Variants in ELP4 observed in about 807,000 individuals in gnomAD.
ELP4 encodes the protein elongator acetyltransferase complex subunit 4.
ELP4 carries 51 observed loss-of-function variants against 48.9 expected under a neutral mutation model. The observed-to-expected ratio is 1.04, with a 90% CI of 0.83 to 1.32. ELP4 has a LOEUF of 1.32. Among genes scored for constraint, ELP4 ranks in the 40% most tolerant of loss-of-function variants. ELP4 has a pLI of 0.00. For synonymous variants in ELP4, 210 were observed against 189.2 expected (o/e 1.11, Z -0.90); for missense variants, 519 against 514.6 (o/e 1.01, Z -0.08).
chr11:31,669,780 A>G (rs1945768421), intron 9 of ELP4, among the ~76,000 whole-genome samples: 1 of 152,184 alleles, frequency 6.6e-6, no homozygotes, highest in South Asian at 2.1e-4. Context: ...CCCGCTCTCT[A>G]TATGGGTCTA....
intron 6 of ELP4, 42 bp from the exon 7 acceptor site, chr11:31,632,175 A>C: frequency 6.5e-7 from 1 of 1,527,202 alleles, no homozygotes; most frequent in Non-Finnish European, 8.9e-7. Flanking sequence ...TCTATTGATT[A>C]ACAAAACTTT....
At chr11:31,609,314 C>T (rs1957932068) in intron 5 of ELP4, among the ~76,000 whole-genome samples, 1 of 152,106 alleles carries the variant, frequency 6.6e-6, no homozygotes, top group African/African-American at 2.4e-5. Flanking sequence ...TTATTAAAGA[C>T]TTTGAAAGCC....
chr11:31,722,595 CA>C (rs1312025099), intron 9 of ELP4, among the ~76,000 whole-genome samples: 6 of 151,778 alleles, frequency 4.0e-5, no homozygotes, highest in Admixed American at 3.9e-4. Context: ...TCCTGTGGTT[CA>C]AAAAACCAGA....
At chr11:31,711,440 T>C (rs1382676870) in intron 9 of ELP4, among the ~76,000 whole-genome samples, 1 of 152,140 alleles carries the variant, frequency 6.6e-6, no homozygotes, top group Non-Finnish European at 1.5e-5. Context: ...TTGTCTTTAG[T>C]AGAAATACAA....
At chr11:31,577,496 G>A (rs1957306734) in intron 3 of ELP4, among the ~76,000 whole-genome samples, 1 of 151,768 alleles carries the variant, frequency 6.6e-6, no homozygotes, top group African/African-American at 2.4e-5. Context: ...AACAAAAAAA[G>A]ATAATTTTAG....
At chr11:31,529,431 A>G (rs193243011) in intron 2 of ELP4, among the ~76,000 whole-genome samples, 13 of 152,288 alleles carry the variant, frequency 8.5e-5, no homozygotes, top group African/African-American at 2.9e-4. Flanking sequence ...TGGAGAAAGC[A>G]GGAGTACAAC....
At chr11:31,560,218 G>A (rs902727843) in intron 3 of ELP4, among the ~76,000 whole-genome samples, 2 of 152,024 alleles carry the variant, frequency 1.3e-5, no homozygotes, top group Non-Finnish European at 2.9e-5. Flanking sequence ...GTTGACAGTA[G>A]ATATTTTTGA....
chr11:31,685,075 G>T (rs552665277), intron 9 of ELP4, among the ~76,000 whole-genome samples: 1 of 152,266 alleles, frequency 6.6e-6, no homozygotes, highest in South Asian at 2.1e-4. Context: ...AGTTCAGGCC[G>T]GGAGCAGTGG....
intron 6 of ELP4, among the ~76,000 whole-genome samples, 156 bp downstream of exon 6, chr11:31,627,350 C>T (rs1189656570): frequency 2.0e-5 from 3 of 151,840 alleles, no homozygotes; most frequent in Non-Finnish European, 2.9e-5. Context: ...GCACAAGCAG[C>T]CTTAGTTTGA....
intron 5 of ELP4, among the ~76,000 whole-genome samples, chr11:31,622,909 A>G (rs991715381): frequency 6.6e-6 from 1 of 151,644 alleles, no homozygotes; most frequent in Non-Finnish European, 1.5e-5. Flanking sequence ...TTTTTTAACT[A>G]AAGAAAATAT....
intron 2 of ELP4, among the ~76,000 whole-genome samples, chr11:31,530,076 A>G (rs907688059): frequency 2.0e-5 from 3 of 152,216 alleles, no homozygotes; most frequent in African/African-American, 7.2e-5. Flanking sequence ...ACTTGTAGGA[A>G]GAGGTATCTT....
At chr11:31,567,956 G>T (rs934126577) in intron 3 of ELP4, among the ~76,000 whole-genome samples, 2 of 152,144 alleles carry the variant, frequency 1.3e-5, no homozygotes, top group African/African-American at 2.4e-5. Flanking sequence ...CAACAATGAA[G>T]ATTGCCACAT....
chr11:31,739,668 G>A (rs1021854678), intron 9 of ELP4, among the ~76,000 whole-genome samples: 1 of 152,092 alleles, frequency 6.6e-6, no homozygotes, highest in African/African-American at 2.4e-5. Context: ...AAATGCATGA[G>A]TTTTAAAAGA....
chr11:31,550,931 C>T (rs755371410), intron 3 of ELP4, among the ~76,000 whole-genome samples: 50 of 152,292 alleles, frequency 3.3e-4, no homozygotes, highest in Non-Finnish European at 6.3e-4. Context: ...TTCATCACTT[C>T]GACTTGCTAG....
chr11:31,590,141 A>G (rs1957543478), intron 3 of ELP4, among the ~76,000 whole-genome samples: 1 of 152,178 alleles, frequency 6.6e-6, no homozygotes, highest in Non-Finnish European at 1.5e-5. Context: ...TTTTGCACCA[A>G]CCTAAAAGGC....
chr11:31,593,005 C>T (rs1156391265), intron 3 of ELP4, among the ~76,000 whole-genome samples: 2 of 152,036 alleles, frequency 1.3e-5, no homozygotes, highest in African/African-American at 4.8e-5. Context: ...CAACTATTGC[C>T]AGGTGTCCCT....
rs1041890329 is a variant in ELP4, at chr11:31,570,479, T to G, written c.382-24291T>G. On this transcript the variant is annotated intron_variant, in intron 3 of 9. Coordinates refer to ENST00000640961, the MANE Select transcript of ELP4 (RefSeq NM_019040.5). ...CATGTAATATACCTTTTTTTTTTTT[T>G]TTTTTTGAGATAGAGTCTCACTTTG... is the stretch of plus-strand genomic sequence containing the variant. Among the ~76,000 whole-genome samples, 247 of 151,128 alleles carry G rather than the reference T, an allele frequency of 1.6e-3. 2 individuals are homozygous for G. Among genetic ancestry groups the G allele is most frequent in the African/African-American group, 5.8e-3 (237 of 41,056 alleles).
rs565963581 is a variant in ELP4, at chr11:31,682,104, C to T, written c.1143+31883C>T. The T allele has an allele frequency of 4.0e-6, 5 of 1,243,714 alleles. No individual in the cohort carries two copies. In the East Asian group the frequency reaches 2.8e-4, roughly 70 times the overall value. The allele number at this position is 1,243,714 out of a possible 1,614,324, so 77.0% of individuals were successfully genotyped here. On this transcript the variant is annotated intron_variant, in intron 9 of 9. Coordinates refer to ENST00000640961, the MANE Select transcript of ELP4 (RefSeq NM_019040.5). ...AGTAGATACTGATGTTGATTTAGTG[C>T]TTCTGTAATGTCAGCGTCCCATCCA...
intron 3 of ELP4, among the ~76,000 whole-genome samples, chr11:31,588,188 T>C (rs545759830): frequency 6.6e-6 from 1 of 152,310 alleles, no homozygotes; most frequent in African/African-American, 2.4e-5. Flanking sequence ...TCTTATTCTT[T>C]TTAATAATAT....
Sources: gnomAD v4.1 joint callset for allele counts (sites outside exome capture counted in the v4.1 genomes callset) on GRCh38, gnomAD v4.1.1 for gene constraint, MANE v1.5 for transcripts, NCBI Gene and HGNC (gene_info 2026-07-23, HGNC 2026-07-21) for gene names.